Variants in TAFA2 observed in about 807,000 individuals in gnomAD.
TAFA2 encodes the protein chemokine-like protein TAFA-2.
Under a neutral mutation model 18.8 loss-of-function variants are expected in TAFA2, and 7 were observed. The observed-to-expected ratio is 0.37, with a 90% CI of 0.21 to 0.70. The LOEUF is 0.70. Among genes scored for constraint, TAFA2 ranks in the 30% least tolerant of loss-of-function variants. The pLI is 0.53. For synonymous variants in TAFA2, 60 were observed against 54.2 expected, an observed-to-expected ratio of 1.11 and a Z score of -0.47; for missense variants, 122 against 158.1, an observed-to-expected ratio of 0.77 and a Z score of 1.23.
chr12:62,114,048 C>A (rs1300582757), intron 1 of TAFA2, among the ~76,000 whole-genome samples: 5 of 152,178 alleles, frequency 3.3e-5, no homozygotes, highest in Admixed American at 6.5e-5. Context: ...TGAAAAAAAA[C>A]CTCCTGCAGC....
At chr12:61,826,338 C>CTGTGTGTGTGTGTGTG (rs57736074) in intron 2 of TAFA2, among the ~76,000 whole-genome samples, 31 of 149,144 alleles carry the variant, frequency 2.1e-4, no homozygotes, top group African/African-American at 7.6e-4. Flanking sequence ...ATTAGTTCAT[C>CTGTGTGTGTGTGTGTG]TGTGTGTGTG....
intron 2 of TAFA2, among the ~76,000 whole-genome samples, chr12:61,765,629 G>T (rs971901277): frequency 6.6e-6 from 1 of 152,028 alleles, no homozygotes; most frequent in Admixed American, 6.6e-5. Context: ...AGGTGAAATA[G>T]GAATTGTGAT....
chr12:61,891,721 A>C (rs2121297686), intron 1 of TAFA2, among the ~76,000 whole-genome samples: 1 of 152,154 alleles, frequency 6.6e-6, no homozygotes, highest in South Asian at 2.1e-4. Context: ...GGGAGCATAT[A>C]AGCATATTCT....
At chr12:61,880,027 G>C in intron 1 of TAFA2, 2 of 729,104 alleles carry the variant, frequency 2.7e-6, no homozygotes, top group Admixed American at 3.6e-5. Flanking sequence ...TCTGGGAGCT[G>C]CAGTCCCTGA....
intron 1 of TAFA2, among the ~76,000 whole-genome samples, chr12:62,019,755 C>T (rs1881064996): frequency 6.6e-6 from 1 of 151,560 alleles, no homozygotes; most frequent in Non-Finnish European, 1.5e-5. Flanking sequence ...ACCAACATGG[C>T]ACATGTATAC....
At chr12:61,866,582 T>C (rs1874363987) in intron 2 of TAFA2, among the ~76,000 whole-genome samples, 1 of 152,204 alleles carries the variant, frequency 6.6e-6, no homozygotes, top group Admixed American at 6.5e-5. Flanking sequence ...TTGTTCATTA[T>C]ATTGAGTCTT....
chr12:62,176,186 G>T (rs1215287537), intron 1 of TAFA2, among the ~76,000 whole-genome samples: 1 of 152,014 alleles, frequency 6.6e-6, no homozygotes, highest in Non-Finnish European at 1.5e-5. Flanking sequence ...TCTGCCATTT[G>T]TTACAAATAA....
At chr12:61,904,711 C>T (rs149485509) in intron 1 of TAFA2, among the ~76,000 whole-genome samples, 6 of 152,238 alleles carry the variant, frequency 3.9e-5, no homozygotes, top group Middle Eastern at 3.4e-3. Flanking sequence ...TAGCAACTTA[C>T]GGTATACATA....
chr12:62,220,883 C>A (rs1400335196), intron 1 of TAFA2, among the ~76,000 whole-genome samples: 2 of 151,854 alleles, frequency 1.3e-5, no homozygotes, highest in Non-Finnish European at 2.9e-5. Flanking sequence ...CCGAGGCGGG[C>A]GGATCACGAG....
intron 1 of TAFA2, among the ~76,000 whole-genome samples, chr12:61,889,664 T>G (rs2121293147): frequency 6.6e-6 from 1 of 152,296 alleles, no homozygotes; most frequent in Admixed American, 6.5e-5. Context: ...TTAATATTAT[T>G]TTAATAGTTT....
chr12:62,084,141 A>G (rs1209953075), intron 1 of TAFA2, among the ~76,000 whole-genome samples: 2 of 152,212 alleles, frequency 1.3e-5, no homozygotes, highest in Non-Finnish European at 2.9e-5. Context: ...ATCTGGCAAC[A>G]GCGCTACATT....
chr12:61,962,390 A>T (rs1409822550), intron 1 of TAFA2, among the ~76,000 whole-genome samples: 3 of 151,924 alleles, frequency 2.0e-5, no homozygotes, highest in Non-Finnish European at 2.9e-5. Context: ...TAAATAACCA[A>T]CCTTATAATT....
chr12:62,103,127 A>C (rs1314538202), intron 1 of TAFA2, among the ~76,000 whole-genome samples: 1 of 152,190 alleles, frequency 6.6e-6, no homozygotes, highest in Non-Finnish European at 1.5e-5. Flanking sequence ...ATCTTTTAAC[A>C]CTGTCATCTT....
intron 1 of TAFA2, among the ~76,000 whole-genome samples, chr12:62,233,741 A>G (rs762085833): frequency 6.6e-6 from 1 of 152,198 alleles, no homozygotes; most frequent in Non-Finnish European, 1.5e-5. Context: ...GGGCTAGTGA[A>G]TGGGTCAAAA....
intron 1 of TAFA2, among the ~76,000 whole-genome samples, chr12:62,233,650 G>A (rs1363299451): frequency 1.3e-5 from 2 of 152,174 alleles, no homozygotes; most frequent in Admixed American, 6.5e-5. Context: ...CAGTGAACCC[G>A]AGATGGCCTG....
intron 1 of TAFA2, among the ~76,000 whole-genome samples, chr12:61,885,147 G>A (rs1459579354): frequency 6.6e-6 from 1 of 152,124 alleles, no homozygotes; most frequent in East Asian, 1.9e-4. Flanking sequence ...AGGCTCAGAG[G>A]GATGAAGTGA....
At position 61,755,017 on chromosome 12, in the gene TAFA2, A is replaced by G. The variant is rs1352923710; in HGVS notation, c.114T>C (p.His38=). The G allele has an allele frequency of 2.5e-6, 4 of 1,612,742 alleles. No individual in the cohort carries two copies. Among genetic ancestry groups the G allele is most frequent in the East Asian group, 4.5e-5 (2 of 44,702 alleles). The change falls in exon 3 of 5, where the codon CAT becomes CAC. Residue 38 remains histidine (H), a synonymous_variant. Transcript: ENST00000416284. ...VSSANHHKAH[H]VKTGTCEVVA... is the part of the protein sequence containing the mutation. ...CCACCTCACAAGTTCCCGTTTTAAC[A>G]TGGTGAGCTGCACAAACAAAAAAGA... is the stretch of plus-strand genomic sequence containing the variant.
intron 2 of TAFA2, among the ~76,000 whole-genome samples, chr12:61,828,721 G>C (rs1872612412): frequency 6.6e-6 from 1 of 151,782 alleles, no homozygotes; most frequent in African/African-American, 2.4e-5. Flanking sequence ...CAATACATTT[G>C]TTATCAAGTT....
intron 2 of TAFA2, among the ~76,000 whole-genome samples, chr12:61,860,784 C>A (rs1555171132): frequency 1.3e-5 from 2 of 152,220 alleles, no homozygotes; most frequent in Non-Finnish European, 2.9e-5. Context: ...TTCCCTGAAA[C>A]TGTACCCTAT....
Sources: allele counts gnomAD v4.1 joint callset (sites outside exome capture counted in the v4.1 genomes callset), GRCh38; gene constraint gnomAD v4.1.1; transcripts MANE v1.5; gene names NCBI Gene and HGNC (gene_info 2026-07-23, HGNC 2026-07-21).